The following CHRM3 variants were observed in gnomAD, a reference collection of about 807,000 sequenced individuals.
CHRM3 encodes cholinergic receptor muscarinic 3.
A neutral mutation model predicts 41.8 loss-of-function variants in CHRM3; 11 were observed. The ratio of observed to expected loss-of-function variants is 0.26; its 90% confidence interval spans 0.17 to 0.44. The LOEUF (loss-of-function observed/expected upper bound fraction) is 0.44. Among genes scored for constraint, CHRM3 ranks in the 20% least tolerant of loss-of-function variants. The pLI is 1.00. For missense variants in CHRM3, 571 were observed against 745.4 expected (o/e 0.77, Z 2.72); for synonymous variants, 297 against 301.4 (o/e 0.99, Z 0.15).
At chr1:239,667,738 G>A (rs1036632868) in intron 4 of CHRM3, among the ~76,000 whole-genome samples, 6 of 152,090 alleles carry the variant, frequency 3.9e-5, no homozygotes, top group South Asian at 2.1e-4. Context: ...GTTTTTCTGT[G>A]TGTACAAACC....
At chr1:239,638,622 C>G (rs1262726687) in intron 4 of CHRM3, among the ~76,000 whole-genome samples, 1 of 152,024 alleles carries the variant, frequency 6.6e-6, no homozygotes, top group Admixed American at 6.6e-5. Context: ...TTGGTTTTTT[C>G]TTGTAAATTG....
chr1:239,618,830 C>T (rs1469723840), intron 3 of CHRM3, among the ~76,000 whole-genome samples: 16 of 118,990 alleles, frequency 1.3e-4, no homozygotes, highest in East Asian at 4.7e-4. Context: ...GGAGACAGAG[C>T]GAGACTCTGT....
intron 4 of CHRM3, among the ~76,000 whole-genome samples, chr1:239,669,757 G>T (rs1458968029): frequency 6.6e-6 from 1 of 152,122 alleles, no homozygotes; most frequent in Non-Finnish European, 1.5e-5. Flanking sequence ...CATTTAAAAT[G>T]CAATCCACTG....
chr1:239,893,888 G>T (rs975133616), intron 6 of CHRM3, among the ~76,000 whole-genome samples: 1 of 151,746 alleles, frequency 6.6e-6, no homozygotes, highest in Non-Finnish European at 1.5e-5. Context: ...TTCTTTGCTC[G>T]GTATCTTACC....
intron 1 of CHRM3, among the ~76,000 whole-genome samples, chr1:239,435,517 T>C (rs925015650): frequency 6.6e-6 from 1 of 151,730 alleles, no homozygotes; most frequent in Non-Finnish European, 1.5e-5. Flanking sequence ...GATTTGTACT[T>C]GATGAAATCC....
intron 1 of CHRM3, among the ~76,000 whole-genome samples, chr1:239,443,689 T>C (rs1663904613): frequency 6.6e-6 from 1 of 152,232 alleles, no homozygotes; most frequent in African/African-American, 2.4e-5. Context: ...GAAATACTTT[T>C]CTTCTTTTAG....
At chr1:239,609,655 G>A (rs1344539251) in intron 3 of CHRM3, among the ~76,000 whole-genome samples, 1 of 152,138 alleles carries the variant, frequency 6.6e-6, no homozygotes, top group East Asian at 1.9e-4. Flanking sequence ...GCTAATATTT[G>A]TTATGGTCAG....
chr1:239,396,612 T>C (rs1262876211), intron 1 of CHRM3, among the ~76,000 whole-genome samples: 2 of 152,110 alleles, frequency 1.3e-5, no homozygotes, highest in African/African-American at 4.8e-5. Context: ...AGATCCAGTC[T>C]CGAAAAGAGT....
At chr1:239,745,636 G>A (rs113201555) in intron 5 of CHRM3, among the ~76,000 whole-genome samples, 2,470 of 152,002 alleles carry the variant, frequency 0.016, 70 homozygotes, top group African/African-American at 0.056. Flanking sequence ...AATGCTGTCC[G>A]TCTCCTACCC....
rs553548070 is a variant in CHRM3, at chr1:239,909,475, C to T, written c.*251C>T. The T allele has an allele frequency of 1.4e-4, 54 of 385,698 alleles. No homozygotes were observed. The highest frequency in any genetic ancestry group is 1.5e-3 in the Middle Eastern group (2 of 1,378). The allele number at this position is 385,698 out of a possible 1,614,324, so 23.9% of individuals were successfully genotyped here. A position where few individuals can be genotyped will look rare whatever the true frequency, so the allele number is the denominator to read the frequency against. ...GAAATTTATTCTGAAATAGACTTTA[C>T]GTGTTTTTTTCTTAAAGAGGAGAAA... On this transcript the variant is annotated 3_prime_UTR_variant, in exon 7 of 7. Coordinates refer to ENST00000676153, the MANE Select transcript of CHRM3 (RefSeq NM_001375978.1).
intron 5 of CHRM3, among the ~76,000 whole-genome samples, chr1:239,746,741 A>C (rs2148542748): frequency 6.6e-6 from 1 of 151,910 alleles, no homozygotes; most frequent in East Asian, 1.9e-4. Flanking sequence ...ATTTGCCTTT[A>C]TTACTCTATT....
Position 239,909,137 on chromosome 1 carries a change from G to A in CHRM3, c.1686G>A (p.Gln562=), listed in dbSNP as rs777733410. ...RTTFKMLLLC[Q]CDKKKRRKQQ... is the part of the protein sequence containing the mutation. ...CTTTCAAGATGCTGCTGCTGTGCCA[G>A]TGTGACAAAAAAAAGAGGCGCAAGC... The change falls in exon 7 of 7, where the codon CAG becomes CAA. Residue 562 remains glutamine (Q), a synonymous_variant. Coordinates refer to ENST00000676153, the MANE Select transcript of CHRM3 (RefSeq NM_001375978.1). 1 of 1,613,936 alleles carries A rather than the reference G, an allele frequency of 6.2e-7. No individual in the cohort carries two copies. Among genetic ancestry groups the A allele is most frequent in the African/African-American group, 1.3e-5 (1 of 74,888 alleles).
At chr1:239,417,294 C>A (rs1661568583) in intron 1 of CHRM3, among the ~76,000 whole-genome samples, 1 of 152,128 alleles carries the variant, frequency 6.6e-6, no homozygotes, top group Admixed American at 6.5e-5. Context: ...GAATATACTA[C>A]AGTATATTTT....
At chr1:239,821,228 C>T (rs1672017944) in intron 5 of CHRM3, among the ~76,000 whole-genome samples, 1 of 152,344 alleles carries the variant, frequency 6.6e-6, no homozygotes, top group Non-Finnish European at 1.5e-5. Flanking sequence ...AGCTGACCAA[C>T]ACTTTCGATG....
At chr1:239,688,903 C>A (rs1438407107) in intron 5 of CHRM3, among the ~76,000 whole-genome samples, 1 of 139,934 alleles carries the variant, frequency 7.1e-6, no homozygotes, top group African/African-American at 2.6e-5. Flanking sequence ...ATATACATTT[C>A]TAAATTATTT....
At chr1:239,878,534 A>C (rs1421063910) in intron 6 of CHRM3, among the ~76,000 whole-genome samples, 2 of 151,620 alleles carry the variant, frequency 1.3e-5, no homozygotes, top group Non-Finnish European at 2.9e-5. Flanking sequence ...AGACTGGTAC[A>C]TGTCTGTGGC....
At chr1:239,468,988 T>C (rs1402731561) in intron 1 of CHRM3, among the ~76,000 whole-genome samples, 5 of 152,224 alleles carry the variant, frequency 3.3e-5, no homozygotes, top group Admixed American at 2.6e-4. Flanking sequence ...CTGAATTTTA[T>C]AGACACCAAA....
At chr1:239,832,322 G>A (rs1224182165) in intron 6 of CHRM3, among the ~76,000 whole-genome samples, 1 of 152,170 alleles carries the variant, frequency 6.6e-6, no homozygotes, top group Admixed American at 6.5e-5. Context: ...CTGGAGTCTG[G>A]TGCTGCCATT....
At chr1:239,527,986 G>A (rs927007846) in intron 2 of CHRM3, among the ~76,000 whole-genome samples, 4 of 151,670 alleles carry the variant, frequency 2.6e-5, no homozygotes, top group African/African-American at 9.7e-5. Flanking sequence ...TCCATGTTTT[G>A]CAAAGTTCTC....
Sources: gnomAD v4.1 joint callset for allele counts (sites outside exome capture counted in the v4.1 genomes callset) on GRCh38, gnomAD v4.1.1 for gene constraint, MANE v1.5 for transcripts, NCBI Gene and HGNC (gene_info 2026-07-23, HGNC 2026-07-21) for gene names.